The following SVEP1 variants were observed in gnomAD, a reference collection of about 807,000 sequenced individuals.
SVEP1 encodes the protein sushi, von Willebrand factor type A, EGF and pentraxin domain-containing protein 1.
In SVEP1, 164 loss-of-function variants were observed where a neutral mutation model predicts 367.3. The observed-to-expected ratio is 0.45, with a 90% CI of 0.39 to 0.51. The LOEUF is 0.51. SVEP1 is among the 20% of genes least tolerant of loss of function. The probability of loss-of-function intolerance (pLI) is 0.00; values close to 1 mark genes in which losing one functional copy is unlikely to be tolerated. For missense variants in SVEP1, 4,117 were observed against 4,425.3 expected, an observed-to-expected ratio of 0.93 and a Z score of 1.98; for synonymous variants, 1,666 against 1,611.6, an observed-to-expected ratio of 1.03 and a Z score of -0.81.
At chr9:110,469,210 G>T in intron 16 of SVEP1, 109 bp from the exon 17 acceptor site, 2 of 1,138,564 alleles carry the variant, frequency 1.8e-6, no homozygotes, top group Non-Finnish European at 2.4e-6. Context: ...AGGTGCTATT[G>T]TTTATGGGTT....
intron 3 of SVEP1, among the ~76,000 whole-genome samples, chr9:110,545,529 T>A (rs1830209461): frequency 6.6e-6 from 1 of 152,164 alleles, no homozygotes; most frequent in Non-Finnish European, 1.5e-5. Context: ...TCCTGAAGAG[T>A]TTAAAAAGCC....
chr9:110,387,304 G>T lies in SVEP1; in HGVS notation c.10041C>A (p.His3347Gln), dbSNP rs1163255706. 6.2e-7 allele frequency: 1 copy of T among 1,600,084 alleles called. No homozygotes were observed. Among genetic ancestry groups the T allele is most frequent in the Non-Finnish European group, 8.5e-7 (1 of 1,176,590 alleles). ...AHCTENGTWS[H>Q]PVPLCKPNPC... ...ACACACGTTTGCAGAGAGGGACTGG[G>T]TGGCTCCAGGTTCCATTTTCTGTGC... Residue 3347 changes from histidine (H) to glutamine (Q), a missense_variant, in exon 42 of 48, where the codon CAC (histidine) becomes CAA (glutamine). His to Gln is a conservative substitution (Grantham distance 24, BLOSUM62 0). Around this residue, in one of 4 missense-constraint regions of SVEP1, gnomAD observed 1,765 missense variants for 1,781.1 expected, o/e 0.99. Transcript: ENST00000374469.
chr9:110,523,823 A>G (rs1353158956), intron 3 of SVEP1, among the ~76,000 whole-genome samples: 1 of 152,050 alleles, frequency 6.6e-6, no homozygotes, highest in East Asian at 1.9e-4. Context: ...ATAAACCCAA[A>G]TTAGAGGGAA....
chr9:110,411,558 G>A lies in SVEP1; in HGVS notation c.6153C>T (p.Tyr2051=), dbSNP rs1156916068. 6.2e-7 allele frequency: 1 copy of A among 1,613,990 alleles called. No individual in the cohort carries two copies. The highest frequency in any genetic ancestry group is 1.7e-5 in the Admixed American group (1 of 60,000). ...DIAFYYCSDG[Y]SLADNSQLLC... is the part of the protein sequence containing the mutation. ...GAAGCTGGGAATTGTCTGCTAGGCT[G>A]TAACCATCAGAGCAGTAGTAGAATG... The change falls in exon 37 of 48, where the codon TAC becomes TAT. Residue 2051 remains tyrosine, a synonymous_variant. Coordinates refer to ENST00000374469, the MANE Select transcript of SVEP1 (RefSeq NM_153366.4).
chr9:110,571,196 T>G (rs1192083614), intron 1 of SVEP1, among the ~76,000 whole-genome samples: 2 of 152,106 alleles, frequency 1.3e-5, no homozygotes, highest in Non-Finnish European at 2.9e-5. Context: ...AGGCTGGTCT[T>G]GACCTCAGGT....
At chr9:110,514,953 A>C (rs985040243) in intron 3 of SVEP1, among the ~76,000 whole-genome samples, 4 of 152,216 alleles carry the variant, frequency 2.6e-5, no homozygotes, top group Non-Finnish European at 1.5e-5. Context: ...GAAGAGCTTG[A>C]GGGACATAAT....
intron 14 of SVEP1, among the ~76,000 whole-genome samples, chr9:110,474,796 T>G (rs1259638361): frequency 6.6e-6 from 1 of 152,084 alleles, no homozygotes; most frequent in African/African-American, 2.4e-5. Flanking sequence ...AATCTACCAA[T>G]AGGAAACTAT....
chr9:110,415,471 A>C (rs1399368894), intron 36 of SVEP1, among the ~76,000 whole-genome samples: 1 of 152,006 alleles, frequency 6.6e-6, no homozygotes, highest in Non-Finnish European at 1.5e-5. Flanking sequence ...AGAAGGAAAT[A>C]AACTTTAATA....
chr9:110,511,488 CTTTTTTTTTTTTTTTTTTTTTT>C (rs199993986), intron 5 of SVEP1, among the ~76,000 whole-genome samples: 2 of 77,554 alleles, frequency 2.6e-5, no homozygotes, highest in East Asian at 4.3e-4. Flanking sequence ...GTGTCAGTAC[CTTTTTTTTTTTTTTTTTTTTTT>C]TTTTTTTTTT....
At chr9:110,431,436 A>C (rs747791634) in intron 32 of SVEP1, among the ~76,000 whole-genome samples, 1 of 152,228 alleles carries the variant, frequency 6.6e-6, no homozygotes, top group Non-Finnish European at 1.5e-5. Flanking sequence ...GGGTTGAGAG[A>C]TGATCTGGTA....
At chr9:110,551,942 C>T (rs1830291951) in intron 1 of SVEP1, among the ~76,000 whole-genome samples, 1 of 150,434 alleles carries the variant, frequency 6.6e-6, no homozygotes, top group Admixed American at 6.6e-5. Flanking sequence ...CTCTTTCCAT[C>T]TGGATATCTG....
Position 110,478,976 on chromosome 9 carries a change from T to C in SVEP1, c.2487+659A>G, listed in dbSNP as rs187756849. 4.5e-4 allele frequency among the ~76,000 whole-genome samples: 69 copies of C among 151,970 alleles called. No individual in the cohort carries two copies. The East Asian group carries it at 0.013, about 28-fold the overall frequency. ...TCTCTGTTGCCCAGGCTGGAGTGCA[T>C]GGCGCGATCTGGTTCACTGCAACCT... On this transcript the variant is annotated intron_variant, in intron 13 of 47. Coordinates refer to ENST00000374469, the MANE Select transcript of SVEP1 (RefSeq NM_153366.4).
At chr9:110,431,555 T>G (rs1828349608) in intron 32 of SVEP1, among the ~76,000 whole-genome samples, 1 of 152,168 alleles carries the variant, frequency 6.6e-6, no homozygotes, top group Non-Finnish European at 1.5e-5. Context: ...GGAAAGATAT[T>G]GATAGTGAAG....
At chr9:110,367,954 G>A (rs62571869) in intron 47 of SVEP1, among the ~76,000 whole-genome samples, 16,691 of 152,128 alleles carry the variant, frequency 0.11, 1,040 homozygotes, top group Non-Finnish European at 0.14. Context: ...GGTGGCATAT[G>A]CCTGTAGTCC....
chr9:110,387,179 TG>T, intron 42 of SVEP1, 105 bp downstream of exon 42: 1 of 1,180,174 alleles, frequency 8.5e-7, no homozygotes, highest in Non-Finnish European at 1.1e-6. Context: ...TTGCTTTCTC[TG>T]GGCCCATATC....
At chr9:110,413,409 G>T (rs1183446756) in intron 36 of SVEP1, among the ~76,000 whole-genome samples, 1 of 120,576 alleles carries the variant, frequency 8.3e-6, no homozygotes, top group Non-Finnish European at 1.7e-5. Context: ...GGGGAGGGGG[G>T]AGGGATAGCT....
At chr9:110,503,370 T>C (rs937209221) in intron 5 of SVEP1, among the ~76,000 whole-genome samples, 153 bp from the exon 6 acceptor site, 2 of 152,240 alleles carry the variant, frequency 1.3e-5, no homozygotes, top group African/African-American at 4.8e-5. Flanking sequence ...TTTTGAGTTC[T>C]TATGGGACAA....
chr9:110,375,907 A>G (rs534042567), intron 45 of SVEP1, among the ~76,000 whole-genome samples: 21 of 148,884 alleles, frequency 1.4e-4, no homozygotes, highest in Non-Finnish European at 2.5e-4. Context: ...AGGCTGTAAC[A>G]TAGGGTTGGA....
chr9:110,407,735 C>G lies in SVEP1; in HGVS notation c.7865G>C (p.Gly2622Ala). The part of the protein sequence containing the change: ...DCGLPPHIDF[G>A]DCTKLKDDQG... Reference sequence around the variant, plus strand: ...GTCATCTTTGAGTTTAGTACAGTCTCCAAAATCTATATGAGGAGGGAGGCC... The same window carrying G: ...GTCATCTTTGAGTTTAGTACAGTCTGCAAAATCTATATGAGGAGGGAGGCC... The change falls in exon 38 of 48, where the codon GGA becomes GCA. Residue 2622 changes from glycine (G) to alanine (A), a missense_variant. Transcript: ENST00000374469. The G allele has an allele frequency of 6.2e-7, 1 of 1,613,944 alleles. No individual in the cohort carries two copies. The highest frequency in any genetic ancestry group is 8.5e-7 in the Non-Finnish European group (1 of 1,179,866).
Sources: gnomAD v4.1 joint callset for allele counts (sites outside exome capture counted in the v4.1 genomes callset) on GRCh38, gnomAD v4.1.1 for gene constraint, gnomAD v4.1.1 regional missense constraint, MANE v1.5 for transcripts, NCBI Gene and HGNC (gene_info 2026-07-23, HGNC 2026-07-21) for gene names.